MIR2052HG: variants seen among roughly 807,000 people sequenced by gnomAD.
The protein encoded by MIR2052HG is MIR2052 host gene.
chr8:74,723,888 A>G (rs1809606502), intron 4 of MIR2052HG, among the ~76,000 whole-genome samples: 1 of 152,226 alleles, frequency 6.6e-6, no homozygotes, highest in Non-Finnish European at 1.5e-5. Context: ...TTATTTCTAG[A>G]CAAAAATTTG....
At chr8:74,628,610 A>G (rs2128733778) in intron 2 of MIR2052HG, among the ~76,000 whole-genome samples, 1 of 152,298 alleles carries the variant, frequency 6.6e-6, no homozygotes, top group South Asian at 2.1e-4. Flanking sequence ...GATCTCCACA[A>G]TTCAGGCTCT....
intron 1 of MIR2052HG, chr8:74,603,120 A>T (rs1808048583): frequency 1.6e-6 from 1 of 640,142 alleles, no homozygotes; most frequent in Non-Finnish European, 2.8e-6. Context: ...CAGAGAAAGG[A>T]ATTAAAACAC....
At chr8:74,755,604 T>C (rs997814561) in intron 5 of MIR2052HG, among the ~76,000 whole-genome samples, 24 of 152,224 alleles carry the variant, frequency 1.6e-4, no homozygotes, top group Admixed American at 3.9e-4. Context: ...TTTAAGCTTC[T>C]TTTTGGCGCT....
intron 2 of MIR2052HG, among the ~76,000 whole-genome samples, chr8:74,669,276 A>G (rs1461510546): frequency 6.6e-6 from 1 of 152,126 alleles, no homozygotes; most frequent in African/African-American, 2.4e-5. Context: ...CTGTTCCTCA[A>G]AAATCCACAT....
chr8:74,657,971 C>A (rs1376208471), intron 2 of MIR2052HG, among the ~76,000 whole-genome samples: 1 of 152,198 alleles, frequency 6.6e-6, no homozygotes, highest in African/African-American at 2.4e-5. Flanking sequence ...CTATGAACTT[C>A]TACCCCTGGT....
At chr8:74,607,384 G>A (rs1208745069) in intron 1 of MIR2052HG, among the ~76,000 whole-genome samples, 2 of 152,202 alleles carry the variant, frequency 1.3e-5, no homozygotes, top group East Asian at 3.9e-4. Flanking sequence ...GGCCGAGGTG[G>A]GTGGATCACC....
chr8:74,668,350 C>T (rs1808954526), intron 2 of MIR2052HG, among the ~76,000 whole-genome samples: 1 of 152,106 alleles, frequency 6.6e-6, no homozygotes, highest in Non-Finnish European at 1.5e-5. Flanking sequence ...TTTATACTGT[C>T]TGCTCAGGGA....
chr8:74,686,635 T>C (rs886275427), intron 2 of MIR2052HG, among the ~76,000 whole-genome samples: 16 of 152,080 alleles, frequency 1.1e-4, no homozygotes, highest in Non-Finnish European at 2.9e-5. Flanking sequence ...TTGTTATCTG[T>C]AAAATGATAT....
chr8:74,618,671 A>G (rs887057994), intron 2 of MIR2052HG, among the ~76,000 whole-genome samples: 4 of 152,232 alleles, frequency 2.6e-5, no homozygotes, highest in African/African-American at 4.8e-5. Context: ...GTATATGACA[A>G]GCCCACAGAT....
intron 2 of MIR2052HG, among the ~76,000 whole-genome samples, chr8:74,655,314 T>C (rs1181849437): frequency 6.6e-6 from 1 of 151,944 alleles, no homozygotes; most frequent in Non-Finnish European, 1.5e-5. Context: ...CACAAGACAA[T>C]GGGAAAAATG....
chr8:74,667,273 C>A (rs534724161), intron 2 of MIR2052HG, among the ~76,000 whole-genome samples: 2 of 151,996 alleles, frequency 1.3e-5, no homozygotes, highest in Non-Finnish European at 2.9e-5. Context: ...AGTGAGGGAG[C>A]AGGGCTGTGG....
intron 4 of MIR2052HG, among the ~76,000 whole-genome samples, chr8:74,751,913 G>A (rs1199168389): frequency 1.3e-5 from 2 of 152,158 alleles, no homozygotes; most frequent in Non-Finnish European, 2.9e-5. Flanking sequence ...TAAATGTTCT[G>A]TAATTAATAC....
intron 2 of MIR2052HG, among the ~76,000 whole-genome samples, chr8:74,668,250 A>G (rs111620225): frequency 6.6e-6 from 1 of 152,048 alleles, no homozygotes; most frequent in African/African-American, 2.4e-5. Context: ...CAAAAAAAAA[A>G]CAATAAGCCT....
rs1451721575 is a variant in MIR2052HG, at chr8:74,608,209, A to AG, written n.129-4644_129-4643insG. 4.5e-3 allele frequency among the ~76,000 whole-genome samples: 679 copies of AG among 152,288 alleles called. 3 individuals are homozygous for AG. Among genetic ancestry groups the AG allele is most frequent in the African/African-American group, 0.016 (657 of 41,576 alleles). ...GTGAGAGTTCTGCTCTAGAGCTTCT[A>AG]AGCACATAATTAGATGAACTTGCCC... On this transcript the variant is annotated intron_variant and non_coding_transcript_variant, in intron 1 of 6. Transcript: ENST00000523442.
intron 4 of MIR2052HG, among the ~76,000 whole-genome samples, chr8:74,731,022 AGTCCCCAAAGT>A (rs1180045838): frequency 6.6e-6 from 1 of 152,128 alleles, no homozygotes; most frequent in Non-Finnish European, 1.5e-5. Flanking sequence ...CCCACTGGAA[AGTCCCCAAAGT>A]GTCCCCAAAG....
chr8:74,709,435 T>C (rs1215001032), intron 4 of MIR2052HG, among the ~76,000 whole-genome samples: 1 of 152,128 alleles, frequency 6.6e-6, no homozygotes, highest in Admixed American at 6.6e-5. Context: ...AGACCTTTTT[T>C]TTTGATTGGG....
At chr8:74,640,863 TA>T (rs1808632423) in intron 2 of MIR2052HG, among the ~76,000 whole-genome samples, 1 of 152,216 alleles carries the variant, frequency 6.6e-6, no homozygotes, top group Non-Finnish European at 1.5e-5. Flanking sequence ...GAATAAACTG[TA>T]CGAAAGCTCT....
chr8:74,694,037 C>G (rs1386867275), intron 2 of MIR2052HG, among the ~76,000 whole-genome samples: 1 of 152,166 alleles, frequency 6.6e-6, no homozygotes, highest in African/African-American at 2.4e-5. Context: ...CACCTCCTAG[C>G]TGGAGGCCAA....
intron 2 of MIR2052HG, among the ~76,000 whole-genome samples, chr8:74,697,542 G>A (rs913438511): frequency 1.3e-5 from 2 of 152,110 alleles, no homozygotes; most frequent in African/African-American, 4.8e-5. Context: ...AACTGTTGCT[G>A]TTCACTGATG....
Sources: gnomAD v4.1 joint callset for allele counts (sites outside exome capture counted in the v4.1 genomes callset) on GRCh38, gnomAD v4.1.1 for gene constraint, MANE v1.5 for transcripts, NCBI Gene and HGNC (gene_info 2026-07-23, HGNC 2026-07-21) for gene names.